The following PTPRD variants were observed in gnomAD, a reference collection of about 807,000 sequenced individuals.
PTPRD encodes receptor-type tyrosine-protein phosphatase delta.
Under a neutral mutation model 214.5 loss-of-function variants are expected in PTPRD, and 34 were observed. The ratio of observed to expected loss-of-function variants is 0.16; its 90% CI spans 0.12 to 0.21. PTPRD has a LOEUF of 0.21. Ranked by LOEUF, PTPRD falls within the 10% of genes least tolerant of loss-of-function variation. The pLI is 1.00. For missense variants in PTPRD, 2,545 were observed against 2,398.7 expected (o/e 1.06, Z -1.27); for synonymous variants, 1,128 against 845.7 (o/e 1.33, Z -5.79).
chr9:10,320,947 C>T (rs1050128062), intron 3 of PTPRD, among the ~76,000 whole-genome samples: 7 of 151,834 alleles, frequency 4.6e-5, no homozygotes, highest in Non-Finnish European at 1.0e-4. Flanking sequence ...AGGCTGGTCT[C>T]GAACTCCTGG....
intron 11 of PTPRD, among the ~76,000 whole-genome samples, chr9:8,810,484 G>C (rs565002859): frequency 6.6e-6 from 1 of 152,204 alleles, no homozygotes; most frequent in East Asian, 1.9e-4. Flanking sequence ...TGGGCATTAG[G>C]ATGTCCTAAA....
intron 5 of PTPRD, among the ~76,000 whole-genome samples, chr9:9,868,447 G>C (rs1437113717): frequency 6.6e-6 from 1 of 152,044 alleles, no homozygotes; most frequent in Non-Finnish European, 1.5e-5. Context: ...GTGTGAAAGA[G>C]CAAGTCAAAG....
intron 10 of PTPRD, among the ~76,000 whole-genome samples, chr9:9,110,872 A>G (rs754717862): frequency 7.9e-5 from 12 of 152,152 alleles, no homozygotes; most frequent in Admixed American, 4.6e-4. Flanking sequence ...ATTCATTTTC[A>G]TATCACCTGT....
At chr9:8,992,869 T>A (rs2099382471) in intron 11 of PTPRD, among the ~76,000 whole-genome samples, 1 of 152,156 alleles carries the variant, frequency 6.6e-6, no homozygotes, top group Non-Finnish European at 1.5e-5. Flanking sequence ...CTCATCAAGC[T>A]TGGAGGTAAT....
chr9:10,016,357 TTAGATAGATAGATAGA>T (rs1555471278), intron 4 of PTPRD, among the ~76,000 whole-genome samples: 9 of 97,292 alleles, frequency 9.3e-5, no homozygotes, highest in Admixed American at 4.8e-4. Context: ...GATAGAAAGA[TTAGATAGATAGATAGA>T]TAGATAGATA....
chr9:9,421,533 T>C (rs2078806651), intron 8 of PTPRD, among the ~76,000 whole-genome samples: 1 of 152,084 alleles, frequency 6.6e-6, no homozygotes, highest in African/African-American at 2.4e-5. Context: ...CAAAAGTGTT[T>C]TCTTATTCTT....
chr9:9,138,690 G>A (rs960310516), intron 10 of PTPRD, among the ~76,000 whole-genome samples: 1 of 152,090 alleles, frequency 6.6e-6, no homozygotes, highest in Non-Finnish European at 1.5e-5. Flanking sequence ...TGAACGTTAT[G>A]AGCAGTAATT....
At chr9:8,764,820 A>G (rs1309553061) in intron 11 of PTPRD, among the ~76,000 whole-genome samples, 1 of 150,486 alleles carries the variant, frequency 6.6e-6, no homozygotes, top group Non-Finnish European at 1.5e-5. Flanking sequence ...TAATAATAAT[A>G]ATAATAATAA....
chr9:9,530,408 G>A (rs112119997), intron 8 of PTPRD, among the ~76,000 whole-genome samples: 3,253 of 152,158 alleles, frequency 0.021, 112 homozygotes, highest in African/African-American at 0.075. Context: ...TAAATTCCTG[G>A]ACACATACAA....
intron 3 of PTPRD, among the ~76,000 whole-genome samples, chr9:10,307,052 T>C (rs2096096573): frequency 6.6e-6 from 1 of 152,176 alleles, no homozygotes; most frequent in African/African-American, 2.4e-5. Context: ...TTTGAACATT[T>C]ATCATTTATA....
intron 9 of PTPRD, among the ~76,000 whole-genome samples, chr9:9,359,446 C>G (rs982060815): frequency 6.6e-6 from 1 of 151,272 alleles, no homozygotes; most frequent in East Asian, 1.9e-4. Flanking sequence ...CAATCTCTCT[C>G]TTTTCATCTC....
chr9:10,485,501 A>G (rs1278967397), intron 2 of PTPRD, among the ~76,000 whole-genome samples: 1 of 152,118 alleles, frequency 6.6e-6, no homozygotes, highest in Non-Finnish European at 1.5e-5. Flanking sequence ...AACATGGAGT[A>G]TCTTTCCATG....
intron 10 of PTPRD, among the ~76,000 whole-genome samples, chr9:9,139,885 T>G (rs2099857130): frequency 6.6e-6 from 1 of 152,108 alleles, no homozygotes. Context: ...TATTTCAGAC[T>G]AATTAGTGTA....
intron 10 of PTPRD, among the ~76,000 whole-genome samples, chr9:9,042,151 C>G (rs903871332): frequency 6.6e-6 from 1 of 152,164 alleles, no homozygotes; most frequent in Non-Finnish European, 1.5e-5. Context: ...TTCTTATACA[C>G]TGGTTTTATT....
rs189199734 is a variant in PTPRD, at chr9:9,314,854, C to T, written c.-203+82595G>A. 8.6e-5 allele frequency among the ~76,000 whole-genome samples: 13 copies of T among 152,020 alleles called. No homozygotes were observed. In the East Asian group the frequency reaches 2.5e-3, roughly 29 times the overall value. ...ATGTTTGAAATAAGCTGATGAAATA[C>T]CATAGGCACAAAGGACCTTTTTTTC... On this transcript the variant is annotated intron_variant, in intron 9 of 45. Coordinates refer to ENST00000381196, the MANE Select transcript of PTPRD (RefSeq NM_002839.4).
chr9:10,140,954 T>C (rs2098980412), intron 3 of PTPRD, among the ~76,000 whole-genome samples: 3 of 151,784 alleles, frequency 2.0e-5, no homozygotes, highest in Non-Finnish European at 2.9e-5. Flanking sequence ...TATACGCAAA[T>C]CAATAAATGT....
intron 3 of PTPRD, among the ~76,000 whole-genome samples, chr9:10,124,326 A>G (rs1233334325): frequency 2.0e-5 from 3 of 152,196 alleles, no homozygotes; most frequent in Non-Finnish European, 2.9e-5. Flanking sequence ...AATTTTCCCA[A>G]CACATTAATA....
At chr9:9,270,263 A>G (rs1265320144) in intron 9 of PTPRD, among the ~76,000 whole-genome samples, 1 of 151,426 alleles carries the variant, frequency 6.6e-6, no homozygotes, top group African/African-American at 2.4e-5. Flanking sequence ...ATAAATAAGT[A>G]ACATTTGTGA....
chr9:10,437,940 A>G (rs1430675071), intron 2 of PTPRD, among the ~76,000 whole-genome samples: 8 of 148,614 alleles, frequency 5.4e-5, no homozygotes. Context: ...TCAAAAATGG[A>G]CATACACACA....
Sources: allele counts gnomAD v4.1 joint callset (sites outside exome capture counted in the v4.1 genomes callset), GRCh38; gene constraint gnomAD v4.1.1; transcripts MANE v1.5; gene names NCBI Gene and HGNC (gene_info 2026-07-23, HGNC 2026-07-21).